Variants in CEP55 observed in about 807,000 individuals in gnomAD.
CEP55 encodes the protein centrosomal protein 55.
CEP55 carries 57 observed loss-of-function variants against 63.2 expected under a neutral mutation model. The observed-to-expected ratio is 0.90, with a 90% CI of 0.73 to 1.13. CEP55 has a LOEUF of 1.13. Ranked by LOEUF, CEP55 falls within the 50% of genes most tolerant of loss-of-function variation. CEP55 has a pLI of 0.00. For missense variants in CEP55, 456 were observed against 518.9 expected, an observed-to-expected ratio of 0.88 and a Z score of 1.18; for synonymous variants, 178 against 191.6, an observed-to-expected ratio of 0.93 and a Z score of 0.59.
intron 8 of CEP55, among the ~76,000 whole-genome samples, chr10:93,521,515 G>A (rs1157725447): frequency 2.0e-5 from 3 of 152,212 alleles, no homozygotes; most frequent in African/African-American, 7.2e-5. Context: ...CTCCAACTCT[G>A]GGGGCAGGGC....
intron 4 of CEP55, among the ~76,000 whole-genome samples, chr10:93,512,526 A>G (rs2057763990): frequency 6.6e-6 from 1 of 152,050 alleles, no homozygotes; most frequent in Non-Finnish European, 1.5e-5. Flanking sequence ...AAAAAAAAAA[A>G]AAAAAAAAAA....
At chr10:93,524,400 ATC>A (rs1459359990) in intron 8 of CEP55, among the ~76,000 whole-genome samples, 1 of 152,138 alleles carries the variant, frequency 6.6e-6, no homozygotes, top group Non-Finnish European at 1.5e-5. Flanking sequence ...AAGAAGTTGA[ATC>A]TCTGAATAGA....
chr10:93,513,390 G>A (rs982940733), intron 4 of CEP55, among the ~76,000 whole-genome samples: 7 of 152,172 alleles, frequency 4.6e-5, no homozygotes, highest in Non-Finnish European at 8.8e-5. Context: ...GACTTAATAA[G>A]AGTTTCCATA....
At chr10:93,515,617 T>G (rs573925338) in intron 5 of CEP55, 62 bp downstream of exon 5, 1 of 1,449,696 alleles carries the variant, frequency 6.9e-7, no homozygotes, top group South Asian at 1.4e-5. Context: ...AAGGAATGAT[T>G]CATCAAATTT....
intron 4 of CEP55, among the ~76,000 whole-genome samples, chr10:93,510,186 T>C (rs1445996970): frequency 6.6e-6 from 1 of 152,234 alleles, no homozygotes; most frequent in East Asian, 1.9e-4. Flanking sequence ...GTCAGTACTT[T>C]TAGTATTTAT....
intron 4 of CEP55, among the ~76,000 whole-genome samples, 159 bp from the exon 5 acceptor site, chr10:93,515,246 A>G (rs773957070): frequency 5.3e-5 from 8 of 152,254 alleles, no homozygotes; most frequent in Non-Finnish European, 1.0e-4. Flanking sequence ...TCATGTTGTT[A>G]TGTATTCTGA....
chr10:93,514,121 C>T (rs1791885310), intron 4 of CEP55, among the ~76,000 whole-genome samples: 1 of 152,014 alleles, frequency 6.6e-6, no homozygotes, highest in African/African-American at 2.4e-5. Context: ...AAAATAGAGA[C>T]AGGGTTTTGC....
intron 8 of CEP55, among the ~76,000 whole-genome samples, chr10:93,522,925 G>A (rs1307624772): frequency 6.6e-6 from 1 of 152,150 alleles, no homozygotes; most frequent in African/African-American, 2.4e-5. Flanking sequence ...CCCTACAAGA[G>A]CTCCTAAAGG....
chr10:93,525,588 T>C (rs2057913166), intron 8 of CEP55, among the ~76,000 whole-genome samples: 1 of 151,894 alleles, frequency 6.6e-6, no homozygotes, highest in Non-Finnish European at 1.5e-5. Context: ...AAAAACTACT[T>C]TAAAGTTCAT....
intron 4 of CEP55, among the ~76,000 whole-genome samples, chr10:93,514,863 C>T (rs1298907974): frequency 6.6e-6 from 1 of 152,208 alleles, no homozygotes; most frequent in African/African-American, 2.4e-5. Flanking sequence ...ACCTCCACCT[C>T]CCGGGTTCAA....
intron 8 of CEP55, among the ~76,000 whole-genome samples, chr10:93,527,535 A>G (rs2057936676): frequency 6.6e-6 from 1 of 152,212 alleles, no homozygotes. Context: ...ATCTGTCTAC[A>G]GTGCTGAAGC....
rs202229973 is a variant in CEP55 at position 93,500,700 on chromosome 10, GCTAA to G, written c.183+470_183+473del. Among the ~76,000 whole-genome samples the G allele has an allele frequency of 6.4e-3, 964 of 151,692 alleles. 8 individuals carry two copies. The highest frequency in any genetic ancestry group is 0.02 in the African/African-American group (845 of 41,388). ...GTATTTAAGATTGTGAAACATTCTG[GCTAA>G]CTATTTTCGCTATTTTTAAATTGAT... On this transcript the variant is annotated intron_variant, in intron 2 of 8. Coordinates refer to ENST00000371485, the MANE Select transcript of CEP55 (RefSeq NM_018131.5).
intron 1 of CEP55, among the ~76,000 whole-genome samples, chr10:93,499,473 A>G (rs548999411): frequency 1.3e-5 from 2 of 151,262 alleles, no homozygotes; most frequent in South Asian, 4.2e-4. Flanking sequence ...TACACATATA[A>G]TTACACATAT....
At chr10:93,510,146 G>T (rs181119327) in intron 4 of CEP55, among the ~76,000 whole-genome samples, 2 of 152,150 alleles carry the variant, frequency 1.3e-5, no homozygotes, top group Non-Finnish European at 2.9e-5. Flanking sequence ...AAATAATTAC[G>T]TAGAGTTAAT....
intron 4 of CEP55, 76 bp downstream of exon 4, chr10:93,507,132 C>A (rs899999212): frequency 6.1e-6 from 5 of 813,962 alleles, no homozygotes; most frequent in Middle Eastern, 2.4e-4. Flanking sequence ...AAATTGGCAA[C>A]ATTAGTGCTG....
intron 4 of CEP55, among the ~76,000 whole-genome samples, chr10:93,514,006 G>T (rs766533218): frequency 1.3e-5 from 2 of 150,406 alleles, no homozygotes; most frequent in Non-Finnish European, 3.0e-5. Flanking sequence ...GTGCAGTGGC[G>T]CAATCTTGGC....
intron 3 of CEP55, 28 bp downstream of exon 3, chr10:93,503,416 T>A: frequency 6.3e-7 from 1 of 1,577,198 alleles, no homozygotes; most frequent in Non-Finnish European, 8.6e-7. Context: ...AAACCCAGAT[T>A]TTTTTTTTCT....
intron 4 of CEP55, among the ~76,000 whole-genome samples, chr10:93,513,755 G>A (rs1344203185): frequency 6.6e-6 from 1 of 152,098 alleles, no homozygotes. Context: ...TGGATTTATA[G>A]CAAGTCCTCT....
chr10:93,528,076 T>C lies in CEP55; in HGVS notation c.1318T>C (p.Cys440Arg), dbSNP rs769833873. 3 of 1,614,118 alleles carry C rather than the reference T, an allele frequency of 1.9e-6. No individual in the cohort carries two copies. The highest frequency in any genetic ancestry group is 2.5e-6 in the Non-Finnish European group (3 of 1,180,014). ...TAALNESLVE[C>R]PKCNIQYPAT... is the part of the protein sequence containing the mutation. Reference sequence around the variant, plus strand: ...TGCACTCAATGAAAGCCTGGTGGAATGTCCCAAGTGCAATATACAGTATCC... The same window carrying C: ...TGCACTCAATGAAAGCCTGGTGGAACGTCCCAAGTGCAATATACAGTATCC... Residue 440 changes from cysteine (C) to arginine (R), a missense_variant, in exon 9 of 9, where the codon TGT becomes CGT. Transcript: ENST00000371485.
Sources: allele counts gnomAD v4.1 joint callset (sites outside exome capture counted in the v4.1 genomes callset), GRCh38; gene constraint gnomAD v4.1.1; transcripts MANE v1.5; gene names NCBI Gene and HGNC (gene_info 2026-07-23, HGNC 2026-07-21).